The following SCAI variants were observed in gnomAD, a reference collection of about 807,000 sequenced individuals.
SCAI encodes the protein protein SCAI.
Under a neutral mutation model 92.2 loss-of-function variants are expected in SCAI, and 24 were observed. The ratio of observed to expected loss-of-function variants is 0.26; its 90% CI spans 0.19 to 0.37. SCAI has a LOEUF of 0.37. Ranked by LOEUF, SCAI falls within the 10% of genes least tolerant of loss-of-function variation. SCAI has a pLI of 1.00. For synonymous variants in SCAI, 261 were observed against 258.6 expected, an observed-to-expected ratio of 1.01 and a Z score of -0.09; for missense variants, 450 against 736.2, an observed-to-expected ratio of 0.61 and a Z score of 4.50.
intron 14 of SCAI, among the ~76,000 whole-genome samples, chr9:124,988,825 G>T (rs1832050192): frequency 2.0e-5 from 3 of 152,178 alleles, no homozygotes; most frequent in Non-Finnish European, 4.4e-5. Flanking sequence ...CCAAGTACAT[G>T]TTAAGCACCA....
At position 125,142,696 on chromosome 9, in the gene SCAI, A is replaced by G. The variant is rs1188591974; in HGVS notation, c.54-19T>C. 6.2e-7 allele frequency: 1 copy of G among 1,610,850 alleles called. No individual in the cohort carries two copies. Among genetic ancestry groups the G allele is most frequent in the African/African-American group, 1.3e-5 (1 of 74,804 alleles). On this transcript the variant is annotated intron_variant, in intron 1 of 17. Transcript: ENST00000336505. ...AGTCAGTCTGCAGACCAAACAAATA[A>G]GACGGTAACTAAAAGTAACATACAA...
At chr9:124,961,885 T>C (rs1831443019) in intron 17 of SCAI, among the ~76,000 whole-genome samples, 1 of 151,702 alleles carries the variant, frequency 6.6e-6, no homozygotes, top group South Asian at 2.1e-4. Flanking sequence ...GTTTTTTTTT[T>C]TTTTTTTCCA....
At chr9:125,036,189 C>T (rs1353353370) in intron 3 of SCAI, among the ~76,000 whole-genome samples, 2 of 151,810 alleles carry the variant, frequency 1.3e-5, no homozygotes, top group Non-Finnish European at 2.9e-5. Context: ...ATGGGAAAAC[C>T]GAGAAGAGTG....
chr9:125,098,003 G>A (rs1309112240), intron 2 of SCAI, among the ~76,000 whole-genome samples: 5 of 148,770 alleles, frequency 3.4e-5, no homozygotes, highest in Admixed American at 2.0e-4. Context: ...ATATATATAT[G>A]TGTGTGTGTG....
intron 2 of SCAI, among the ~76,000 whole-genome samples, chr9:125,092,413 A>G (rs946366879): frequency 2.6e-5 from 4 of 152,178 alleles, no homozygotes; most frequent in South Asian, 2.1e-4. Flanking sequence ...AGATCACGCC[A>G]CTACACTCTA....
Position 124,995,031 on chromosome 9 carries a change from C to A in SCAI, c.1245-16G>T, listed in dbSNP as rs6478690. 8.8e-6 allele frequency: 14 copies of A among 1,586,470 alleles called. No homozygotes were observed. The highest frequency in any genetic ancestry group is 1.3e-5 in the African/African-American group (1 of 74,408). ...GGGATGAAGGCTGGGAAAACAACAACGAAGAACTGTTAAACTGTGTCAGCC... is the reference window on the plus strand; with the variant it reads ...GGGATGAAGGCTGGGAAAACAACAAAGAAGAACTGTTAAACTGTGTCAGCC... On this transcript the variant is annotated splice_polypyrimidine_tract_variant and intron_variant, in intron 13 of 17. Coordinates refer to ENST00000336505, the MANE Select transcript of SCAI (RefSeq NM_001144877.3).
chr9:125,003,272 T>C, intron 10 of SCAI, 57 bp from the exon 11 acceptor site: 2 of 1,336,384 alleles, frequency 1.5e-6, no homozygotes, highest in Non-Finnish European at 2.2e-6. Context: ...AAATGAATTA[T>C]CAATATCTAT....
intron 2 of SCAI, among the ~76,000 whole-genome samples, chr9:125,099,249 T>C (rs1385725447): frequency 6.6e-6 from 1 of 152,098 alleles, no homozygotes; most frequent in Non-Finnish European, 1.5e-5. Flanking sequence ...CATGATGTAA[T>C]TCCTATAGAA....
chr9:124,987,091 G>T (rs1009013811), intron 14 of SCAI, among the ~76,000 whole-genome samples: 2 of 152,188 alleles, frequency 1.3e-5, no homozygotes, highest in African/African-American at 2.4e-5. Flanking sequence ...GGAGTGCAGT[G>T]GTGCGATCTC....
At chr9:125,064,822 G>T (rs1833843968) in intron 2 of SCAI, among the ~76,000 whole-genome samples, 1 of 152,092 alleles carries the variant, frequency 6.6e-6, no homozygotes, top group African/African-American at 2.4e-5. Flanking sequence ...TTCTAGCCTG[G>T]GCGACAGAGT....
intron 2 of SCAI, among the ~76,000 whole-genome samples, chr9:125,139,457 CCAAAG>C (rs1171992522): frequency 6.6e-6 from 1 of 152,028 alleles, no homozygotes; most frequent in African/African-American, 2.4e-5. Context: ...AAACAAAAAA[CCAAAG>C]CAAAGAGGGA....
intron 2 of SCAI, among the ~76,000 whole-genome samples, chr9:125,092,131 TAAAAAAAAAAAAAAAAAAAAA>T (rs71374225): frequency 2.1e-4 from 13 of 61,144 alleles, no homozygotes; most frequent in Non-Finnish European, 3.8e-4. Flanking sequence ...CTCCGTCTCT[TAAAAAAAAAAAAAAAAAAAAA>T]AAAAAAAAAA....
chr9:125,092,004 C>T (rs1454751315), intron 2 of SCAI, among the ~76,000 whole-genome samples: 5 of 151,724 alleles, frequency 3.3e-5, no homozygotes, highest in Non-Finnish European at 5.9e-5. Context: ...GTGGTGGGCG[C>T]CTGTAGTCCC....
rs1201792947 is a variant in SCAI, at chr9:125,066,579, A to T, written c.99-10572T>A. Among the ~76,000 whole-genome samples, 7 of 151,690 alleles carry T rather than the reference A, an allele frequency of 4.6e-5. No homozygotes were observed. The East Asian group carries it at 1.4e-3, about 29-fold the overall frequency. On this transcript the variant is annotated intron_variant, in intron 2 of 17. Coordinates refer to ENST00000336505, the MANE Select transcript of SCAI (RefSeq NM_001144877.3). ...CACACCATTCTCCTGCCTCAGCCTC[A>T]TGAGTAGCTGGGACTACAGGTGCCT...
chr9:125,045,631 T>TAA (rs1833418461), intron 3 of SCAI, among the ~76,000 whole-genome samples: 1 of 152,248 alleles, frequency 6.6e-6, no homozygotes. Context: ...TCGCTGTGCC[T>TAA]GGCCTGCCTC....
intron 14 of SCAI, among the ~76,000 whole-genome samples, chr9:124,981,992 T>G (rs1194279691): frequency 1.3e-5 from 2 of 152,220 alleles, no homozygotes; most frequent in Non-Finnish European, 2.9e-5. Flanking sequence ...TAAACTCTTT[T>G]GATAGATGAT....
At chr9:125,006,984 T>C (rs1832523891) in intron 9 of SCAI, among the ~76,000 whole-genome samples, 1 of 151,924 alleles carries the variant, frequency 6.6e-6, no homozygotes, top group Admixed American at 6.6e-5. Flanking sequence ...GCTGGGCGCG[T>C]AGGGCGTGCC....
Position 124,952,805 on chromosome 9 carries a change from T to C in SCAI, c.*2A>G, listed in dbSNP as rs1482167538. The C allele has an allele frequency of 6.2e-7, 1 of 1,607,656 alleles. No individual in the cohort carries two copies. On this transcript the variant is annotated 3_prime_UTR_variant, in exon 18 of 18. Coordinates refer to ENST00000336505, the MANE Select transcript of SCAI (RefSeq NM_001144877.3). ...ACTTGTTTCGACAACAGGGTTTTTGTTTTAATAGTCATCAATGGTATTCTC... is the reference window on the plus strand; with the variant it reads ...ACTTGTTTCGACAACAGGGTTTTTGCTTTAATAGTCATCAATGGTATTCTC...
intron 2 of SCAI, among the ~76,000 whole-genome samples, chr9:125,108,749 C>T (rs1398150081): frequency 5.3e-5 from 8 of 150,710 alleles, no homozygotes; most frequent in South Asian, 2.1e-4. Flanking sequence ...GGAGCGTCTC[C>T]GCCCGGCAGC....
Sources: gnomAD v4.1 joint callset for allele counts (sites outside exome capture counted in the v4.1 genomes callset) on GRCh38, gnomAD v4.1.1 for gene constraint, MANE v1.5 for transcripts, NCBI Gene and HGNC (gene_info 2026-07-23, HGNC 2026-07-21) for gene names.